CARF: variants seen among roughly 807,000 people sequenced by gnomAD.
CARF encodes calcium responsive transcription factor.
Under a neutral mutation model 82.0 loss-of-function variants are expected in CARF, and 57 were observed. The ratio of observed to expected loss-of-function variants is 0.70; its 90% confidence interval spans 0.56 to 0.87. The LOEUF (loss-of-function observed/expected upper bound fraction) is 0.87, where lower values mean the gene tolerates loss of function less well. CARF is among the 40% of genes least tolerant of loss of function. The pLI is 0.00. For synonymous variants in CARF, 268 were observed against 290.1 expected, an observed-to-expected ratio of 0.92 and a Z score of 0.77; for missense variants, 771 against 855.8, an observed-to-expected ratio of 0.90 and a Z score of 1.24.
chr2:202,933,150 G>C (rs1364017161), intron 3 of CARF, among the ~76,000 whole-genome samples: 1 of 152,140 alleles, frequency 6.6e-6, no homozygotes, highest in Non-Finnish European at 1.5e-5. Flanking sequence ...GGAGGGGTAG[G>C]TGGGGTGGCT....
chr2:202,912,352 C>G lies in CARF; in HGVS notation c.-1080C>G, dbSNP rs2105917259. On this transcript the variant is annotated 5_prime_UTR_variant, in exon 1 of 17. Transcript: ENST00000438828. ...TGAGTAGACTCGTTTTGAATTTTCT[C>G]CCCTCTGCTCCGGCGGACTTCCCAT... The G allele has an allele frequency of 6.6e-6, 1 of 152,084 alleles. No individual in the cohort carries two copies. The highest frequency in any genetic ancestry group is 2.1e-4 in the South Asian group (1 of 4,808). 9.4% of individuals were successfully genotyped at this position (152,084 alleles called of 1,614,324 possible). A position where few individuals can be genotyped will look rare whatever the true frequency, so the allele number is the denominator to read the frequency against.
rs1438660847 is a variant in CARF at position 202,944,786 on chromosome 2, G to A, written c.306+1819G>A. Reference sequence around the variant, plus strand: ...TAGTTTCTATCAGAACATTTAGAAAGTTTGTGTTTTTTTTTTTCCAAAGGA... The same window carrying A: ...TAGTTTCTATCAGAACATTTAGAAAATTTGTGTTTTTTTTTTTCCAAAGGA... On this transcript the variant is annotated intron_variant, in intron 5 of 16. Coordinates refer to ENST00000438828, the MANE Select transcript of CARF (RefSeq NM_024744.17). Among the ~76,000 whole-genome samples, 3 of 101,378 alleles carry A rather than the reference G, an allele frequency of 3.0e-5. No individual in the cohort carries two copies. The Admixed American group carries it at 3.8e-4, about 13-fold the overall frequency. 66.5% of individuals were successfully genotyped at this position (101,378 alleles called of 152,430 possible).
intron 5 of CARF, among the ~76,000 whole-genome samples, chr2:202,950,480 G>A (rs1299691822): frequency 2.0e-5 from 3 of 151,990 alleles, no homozygotes; most frequent in African/African-American, 7.2e-5. Flanking sequence ...ATTATAAGGG[G>A]TAAAGAATTT....
intron 3 of CARF, among the ~76,000 whole-genome samples, chr2:202,934,921 A>G (rs1378782745): frequency 6.6e-6 from 1 of 151,470 alleles, no homozygotes. Flanking sequence ...ACCAAACAGT[A>G]CAAAAATTAG....
intron 8 of CARF, among the ~76,000 whole-genome samples, chr2:202,958,629 T>G (rs976047877): frequency 1.3e-5 from 2 of 151,850 alleles, no homozygotes; most frequent in Non-Finnish European, 2.9e-5. Context: ...ATTTTTGAGT[T>G]GGCTGGGTGC....
intron 9 of CARF, chr2:202,961,726 A>G: frequency 2.3e-6 from 1 of 441,460 alleles, no homozygotes; most frequent in East Asian, 3.8e-5. Context: ...TTTTATTTTA[A>G]ATATGTACAT....
At chr2:202,938,650 G>T (rs1357315087) in intron 3 of CARF, among the ~76,000 whole-genome samples, 119 of 82,840 alleles carry the variant, frequency 1.4e-3, no homozygotes, top group Non-Finnish European at 2.9e-3. Flanking sequence ...TTGTGGGGGG[G>T]TTTTTTTTGT....
chr2:202,981,300 C>T (rs2060252807), intron 14 of CARF, among the ~76,000 whole-genome samples: 1 of 152,174 alleles, frequency 6.6e-6, no homozygotes, highest in Non-Finnish European at 1.5e-5. Flanking sequence ...CGAGGTAGAG[C>T]TCACGCGGTA....
intron 14 of CARF, among the ~76,000 whole-genome samples, chr2:202,980,922 GT>G (rs2060237621): frequency 6.6e-6 from 1 of 151,802 alleles, no homozygotes; most frequent in Non-Finnish European, 1.5e-5. Flanking sequence ...CTGAGCATCT[GT>G]AGATTTTTAT....
intron 2 of CARF, 73 bp downstream of exon 2, chr2:202,918,116 A>C: frequency 2.4e-6 from 1 of 418,448 alleles, no homozygotes; most frequent in Non-Finnish European, 4.7e-6. Flanking sequence ...ACATGTTTAA[A>C]AAGTCAAATT....
chr2:202,944,265 G>GCT (rs2058381951), intron 5 of CARF, among the ~76,000 whole-genome samples: 1 of 152,048 alleles, frequency 6.6e-6, no homozygotes, highest in African/African-American at 2.4e-5. Context: ...CCTCTAAGTT[G>GCT]CTCTCTGGTT....
At chr2:202,943,907 A>G (rs2058366589) in intron 5 of CARF, among the ~76,000 whole-genome samples, 1 of 151,956 alleles carries the variant, frequency 6.6e-6, no homozygotes, top group Non-Finnish European at 1.5e-5. Flanking sequence ...CAGCCTCCCA[A>G]AGTGCTGGGA....
intron 5 of CARF, among the ~76,000 whole-genome samples, chr2:202,945,895 C>G (rs1175587007): frequency 1.3e-5 from 2 of 152,156 alleles, no homozygotes; most frequent in Admixed American, 6.5e-5. Flanking sequence ...ATACTGCTTT[C>G]TACAATGGTT....
intron 2 of CARF, among the ~76,000 whole-genome samples, chr2:202,920,657 T>G (rs1690632334): frequency 6.6e-6 from 1 of 151,056 alleles, no homozygotes; most frequent in African/African-American, 2.4e-5. Context: ...AGAGTGAAAC[T>G]CCGTCTCAAA....
In CARF at chr2:202,971,501, C is replaced by G; in HGVS notation, c.1098-4C>G. On this transcript the variant is annotated splice_polypyrimidine_tract_variant and splice_region_variant and intron_variant, in intron 11 of 16. Coordinates refer to ENST00000438828, the MANE Select transcript of CARF (RefSeq NM_024744.17). ...TAGTAATTTTAAATATTTTCTCTTACCAGGTGGTATGTACAGTTACCTACA... is the reference window on the plus strand; with the variant it reads ...TAGTAATTTTAAATATTTTCTCTTAGCAGGTGGTATGTACAGTTACCTACA... 6.5e-7 allele frequency: 1 copy of G among 1,530,966 alleles called. No homozygotes were observed. The highest frequency in any genetic ancestry group is 8.9e-7 in the Non-Finnish European group (1 of 1,117,722). The allele number at this position is 1,530,966 out of a possible 1,614,324, so 94.8% of individuals were successfully genotyped here. A position where few individuals can be genotyped will look rare whatever the true frequency, so the allele number is the denominator to read the frequency against.
chr2:202,920,156 T>C (rs1690518786), intron 2 of CARF, among the ~76,000 whole-genome samples: 1 of 151,726 alleles, frequency 6.6e-6, no homozygotes, highest in Non-Finnish European at 1.5e-5. Context: ...AAATTCATAA[T>C]CTTTTTTTTT....
At chr2:202,936,883 A>T (rs1445435388) in intron 3 of CARF, among the ~76,000 whole-genome samples, 1 of 152,232 alleles carries the variant, frequency 6.6e-6, no homozygotes, top group East Asian at 1.9e-4. Context: ...AAATGCAAAG[A>T]CATGAAGATT....
At chr2:202,948,078 C>T (rs2058581570) in intron 5 of CARF, among the ~76,000 whole-genome samples, 1 of 152,148 alleles carries the variant, frequency 6.6e-6, no homozygotes, top group African/African-American at 2.4e-5. Context: ...TGTGGCTAAC[C>T]TGTAATCCTG....
chr2:202,935,635 G>A (rs1693808993), intron 3 of CARF, among the ~76,000 whole-genome samples: 1 of 151,816 alleles, frequency 6.6e-6, no homozygotes, highest in African/African-American at 2.4e-5. Flanking sequence ...ATGTTGCCCA[G>A]GCTAGTGTCA....
Sources: gnomAD v4.1 joint callset for allele counts (sites outside exome capture counted in the v4.1 genomes callset) on GRCh38, gnomAD v4.1.1 for gene constraint, MANE v1.5 for transcripts, NCBI Gene and HGNC (gene_info 2026-07-23, HGNC 2026-07-21) for gene names.